Variants in ZNRF3 observed in about 807,000 individuals in gnomAD.
The protein encoded by ZNRF3 is E3 ubiquitin-protein ligase ZNRF3.
Under a neutral mutation model 72.5 loss-of-function variants are expected in ZNRF3, and 23 were observed. The observed-to-expected ratio is 0.32, with a 90% CI of 0.23 to 0.45. The LOEUF (loss-of-function observed/expected upper bound fraction) is 0.45, where lower values mean the gene tolerates loss of function less well. Ranked by LOEUF, ZNRF3 falls within the 20% of genes least tolerant of loss-of-function variation. The pLI is 1.00. For missense variants in ZNRF3, 1,169 were observed against 1,272.1 expected (o/e 0.92, Z 1.23); for synonymous variants, 610 against 545.3 (o/e 1.12, Z -1.65).
chr22:28,935,303 C>T (rs2034799607), intron 1 of ZNRF3, among the ~76,000 whole-genome samples: 1 of 152,186 alleles, frequency 6.6e-6, no homozygotes, highest in Non-Finnish European at 1.5e-5. Flanking sequence ...CCCTAGAGGT[C>T]CCACTGTGAG....
rs906751559 is a variant in ZNRF3 at position 29,016,362 on chromosome 22, C to T, written c.427-26133C>T. Reference sequence around the variant, plus strand: ...GAAAATAGTGAATAAGGAAACAAGGCTTTGCTGGGGCAGGGGGTGGGAGCT... The same window carrying T: ...GAAAATAGTGAATAAGGAAACAAGGTTTTGCTGGGGCAGGGGGTGGGAGCT... On this transcript the variant is annotated intron_variant, in intron 2 of 8. Transcript: ENST00000544604. 2.2e-4 allele frequency among the ~76,000 whole-genome samples: 33 copies of T among 152,174 alleles called. 1 individual carries two copies. The highest frequency in any genetic ancestry group is 1.8e-3 in the Admixed American group (28 of 15,276).
intron 1 of ZNRF3, among the ~76,000 whole-genome samples, chr22:28,908,751 A>G (rs1326291989): frequency 6.6e-6 from 1 of 152,240 alleles, no homozygotes; most frequent in Non-Finnish European, 1.5e-5. Context: ...CATTAATAAT[A>G]CAATGATAAG....
At chr22:28,978,333 G>A (rs2035709804) in intron 1 of ZNRF3, among the ~76,000 whole-genome samples, 1 of 152,158 alleles carries the variant, frequency 6.6e-6, no homozygotes, top group South Asian at 2.1e-4. Flanking sequence ...ACACTCTGAT[G>A]CCACCTGGGA....
rs371493631 is a variant in ZNRF3, at chr22:29,049,989, G to A, written c.1808G>A (p.Ser603Asn). The change falls in exon 8 of 9, where the codon AGC (serine) becomes AAC (asparagine). Residue 603 changes from serine to asparagine, a missense_variant. Ser to Asn is a conservative substitution (Grantham distance 46). This residue lies in a region of ZNRF3 where 783 missense variants were observed against 731.4 expected (regional missense o/e 1.07). Coordinates refer to ENST00000544604, the MANE Select transcript of ZNRF3 (RefSeq NM_001206998.2). This position sits in a 1 kb window ranked among gnomAD's most constrained non-coding sequence, Gnocchi z 5.2. ...DYDPFIYRSR[S>N]PCRASEAGGS... is the part of the protein sequence containing the mutation. ...GACCCCTTCATCTACCGCAGCCGGA[G>A]CCCCTGTCGTGCCAGTGAGGCGGGG... is the stretch of plus-strand genomic sequence containing the variant. 1 of 1,612,258 alleles carries A rather than the reference G, an allele frequency of 6.2e-7. No individual in the cohort carries two copies. The highest frequency in any genetic ancestry group is 1.1e-5 in the South Asian group (1 of 90,946).
rs943498303 is a variant in ZNRF3, at chr22:28,884,213, G to GGGCA, written c.300+151_300+154dup. 5.9e-4 allele frequency: 339 copies of GGGCA among 573,496 alleles called. 1 individual carries two copies. Among genetic ancestry groups the GGGCA allele is most frequent in the Non-Finnish European group, 7.1e-4 (318 of 449,330 alleles). 35.5% of individuals were successfully genotyped at this position (573,496 alleles called of 1,614,324 possible). ...CCGGCGGCATCCCTCCCCTGCGGGC[G>GGGCA]GGCAGGCGGGCGGGACGCGGCCTCC... On this transcript the variant is annotated intron_variant, in intron 1 of 8. Transcript: ENST00000544604.
chr22:29,043,264 G>A (rs374581699), intron 3 of ZNRF3, 35 bp from the exon 4 acceptor site: 51 of 1,604,128 alleles, frequency 3.2e-5, no homozygotes, highest in African/African-American at 6.7e-5. Flanking sequence ...TAAAGTAAGC[G>A]CACCTTTTAA....
Position 28,889,121 on chromosome 22 carries a change from AAAAG to A in ZNRF3, c.300+5059_300+5062del, listed in dbSNP as rs548851732. Reference sequence around the variant, plus strand: ...CAGAGCGAGACCCCGTCTCAAAAAAAAAAGAAACCCAGGTCTGCCTGGGTTGCTT... The same window carrying A: ...CAGAGCGAGACCCCGTCTCAAAAAAAAAACCCAGGTCTGCCTGGGTTGCTT... On this transcript the variant is annotated intron_variant, in intron 1 of 8. Transcript: ENST00000544604. Among the ~76,000 whole-genome samples, 224 of 151,968 alleles carry A rather than the reference AAAAG, an allele frequency of 1.5e-3. 2 individuals are homozygous for A. Among genetic ancestry groups the A allele is most frequent in the African/African-American group, 5.1e-3 (212 of 41,408 alleles).
At chr22:29,035,335 G>A (rs2036848157) in intron 2 of ZNRF3, among the ~76,000 whole-genome samples, 1 of 152,158 alleles carries the variant, frequency 6.6e-6, no homozygotes, top group South Asian at 2.1e-4. Flanking sequence ...ATGAGTACAA[G>A]GATATGAATA....
chr22:28,937,850 G>A (rs2034869478), intron 1 of ZNRF3, among the ~76,000 whole-genome samples: 1 of 152,096 alleles, frequency 6.6e-6, no homozygotes, highest in Admixed American at 6.6e-5. Context: ...GCTGTACATA[G>A]CGTTGCTTTT....
intron 5 of ZNRF3, among the ~76,000 whole-genome samples, 173 bp from the exon 6 acceptor site, chr22:29,046,543 C>T (rs745512305): frequency 3.0e-4 from 45 of 152,240 alleles, no homozygotes; most frequent in Middle Eastern, 3.4e-3. Context: ...ACACCCCACG[C>T]GTCTGGAGAA....
chr22:28,889,369 C>T (rs1345707267), intron 1 of ZNRF3, among the ~76,000 whole-genome samples: 1 of 152,104 alleles, frequency 6.6e-6, no homozygotes, highest in African/African-American at 2.4e-5. Context: ...CCTCTATACC[C>T]ACAAGGAAAA....
At chr22:28,897,168 C>T (rs1008198439) in intron 1 of ZNRF3, among the ~76,000 whole-genome samples, 9 of 152,168 alleles carry the variant, frequency 5.9e-5, no homozygotes, top group Non-Finnish European at 7.4e-5. Flanking sequence ...CAAAATCTTT[C>T]GTGGCGTCCT....
chr22:28,916,319 C>T (rs1381592616), intron 1 of ZNRF3, among the ~76,000 whole-genome samples: 1 of 152,126 alleles, frequency 6.6e-6, no homozygotes, highest in Non-Finnish European at 1.5e-5. Flanking sequence ...CTCAGCCTCC[C>T]AAAGTGCTGG....
At chr22:28,948,485 TAGAAAATA>T (rs2035094600) in intron 1 of ZNRF3, among the ~76,000 whole-genome samples, 1 of 152,266 alleles carries the variant, frequency 6.6e-6, no homozygotes, top group Non-Finnish European at 1.5e-5. Flanking sequence ...CTTTTTGTTT[TAGAAAATA>T]TAGTGAGAAA....
chr22:29,051,790 A>G (rs1279316649), intron 8 of ZNRF3, among the ~76,000 whole-genome samples: 1 of 150,476 alleles, frequency 6.6e-6, no homozygotes, highest in African/African-American at 2.4e-5. Flanking sequence ...CTGTAATCCT[A>G]GCTACTCCGG....
At position 29,051,438 on chromosome 22, in the gene ZNRF3, G is replaced by A. The variant is rs114893793; in HGVS notation, c.2767+490G>A. On this transcript the variant is annotated intron_variant, in intron 8 of 8. Transcript: ENST00000544604. Reference sequence around the variant, plus strand: ...TAGGAGCCACTTCATAAACATTCTCGTTACTCAGTACAAAAGTTAGCCAGG... The same window carrying A: ...TAGGAGCCACTTCATAAACATTCTCATTACTCAGTACAAAAGTTAGCCAGG... Among the ~76,000 whole-genome samples the A allele has an allele frequency of 6.9e-3, 1,046 of 152,030 alleles. 14 individuals carry two copies. The highest frequency in any genetic ancestry group is 0.024 in the African/African-American group (1,008 of 41,454).
At position 29,053,733 on chromosome 22, in the gene ZNRF3, G is replaced by A; in HGVS notation, c.*111G>A. Reference sequence around the variant, plus strand: ...TTTTAGCTTTGACAAACACACAAAAGTGGTAATAAAGAGAGCCCTCCTTGT... The same window carrying A: ...TTTTAGCTTTGACAAACACACAAAAATGGTAATAAAGAGAGCCCTCCTTGT... On this transcript the variant is annotated 3_prime_UTR_variant, in exon 9 of 9. Coordinates refer to ENST00000544604, the MANE Select transcript of ZNRF3 (RefSeq NM_001206998.2). 8.6e-7 allele frequency: 1 copy of A among 1,162,374 alleles called. No homozygotes were observed. Among genetic ancestry groups the A allele is most frequent in the Non-Finnish European group, 1.2e-6 (1 of 820,004 alleles). The allele number at this position is 1,162,374 out of a possible 1,614,324, so 72.0% of individuals were successfully genotyped here.
intron 1 of ZNRF3, among the ~76,000 whole-genome samples, chr22:28,906,605 CATTAA>C (rs2034212767): frequency 6.6e-6 from 1 of 152,148 alleles, no homozygotes; most frequent in African/African-American, 2.4e-5. Flanking sequence ...GTAAGGTGTA[CATTAA>C]GTGCTTAACA....
chr22:28,999,814 T>C (rs1436176470), intron 2 of ZNRF3, among the ~76,000 whole-genome samples: 1 of 152,210 alleles, frequency 6.6e-6, no homozygotes, highest in Non-Finnish European at 1.5e-5. Flanking sequence ...GTATAGCACC[T>C]GTGCAGGAGA....
Sources: gnomAD v4.1 joint callset for allele counts (sites outside exome capture counted in the v4.1 genomes callset) on GRCh38, gnomAD v4.1.1 for gene constraint, gnomAD v4.1.1 regional missense constraint, Gnocchi (gnomAD v3.1) non-coding constraint, MANE v1.5 for transcripts, NCBI Gene and HGNC (gene_info 2026-07-23, HGNC 2026-07-21) for gene names.